FAM135A: variants seen among roughly 807,000 people sequenced by gnomAD.
FAM135A encodes the protein family with sequence similarity 135 member A, also known as protein FAM135A.
Under a neutral mutation model 146.8 loss-of-function variants are expected in FAM135A, and 79 were observed. The observed-to-expected ratio is 0.54, with a 90% CI of 0.45 to 0.65. The LOEUF (loss-of-function observed/expected upper bound fraction) is 0.65. FAM135A is among the 30% of genes least tolerant of loss of function. FAM135A has a pLI of 0.00. For synonymous variants in FAM135A, 562 were observed against 603.6 expected, an observed-to-expected ratio of 0.93 and a Z score of 1.01; for missense variants, 1,623 against 1,758.2, an observed-to-expected ratio of 0.92 and a Z score of 1.38.
chr6:70,485,127 A>G (rs1582462846), intron 10 of FAM135A, among the ~76,000 whole-genome samples: 2 of 152,342 alleles, frequency 1.3e-5, no homozygotes, highest in East Asian at 1.9e-4. Flanking sequence ...AAATAAAATT[A>G]CTAGTACCTT....
chr6:70,452,890 T>C (rs1777439670), intron 5 of FAM135A, among the ~76,000 whole-genome samples: 1 of 152,204 alleles, frequency 6.6e-6, no homozygotes, highest in African/African-American at 2.4e-5. Context: ...TAATTTGACT[T>C]ATGGTTATAA....
In FAM135A at chr6:70,522,496, C is replaced by A; in HGVS notation, c.1030-17C>A. 1 of 1,611,644 alleles carries A rather than the reference C, an allele frequency of 6.2e-7. No homozygotes were observed. Among genetic ancestry groups the A allele is most frequent in the Non-Finnish European group, 8.5e-7 (1 of 1,178,284 alleles). Reference sequence around the variant, plus strand: ...AAATACGTCATGTTATTAATACTCTCCTTTGGAATTTTTTAGGTACGCAGA... The same window carrying A: ...AAATACGTCATGTTATTAATACTCTACTTTGGAATTTTTTAGGTACGCAGA... On this transcript the variant is annotated splice_polypyrimidine_tract_variant and intron_variant, in intron 12 of 21. Coordinates refer to ENST00000418814, the MANE Select transcript of FAM135A (RefSeq NM_001162529.3).
chr6:70,560,674 A>G lies in FAM135A; in HGVS notation c.*753A>G, dbSNP rs145250091. The stretch of plus-strand genomic sequence containing the variant: ...CCTTGATTTGGTTGGAATTTTTGCT[A>G]AATTGGTAATGTTGCTTGAACTTTA... On this transcript the variant is annotated 3_prime_UTR_variant, in exon 22 of 22. Coordinates refer to ENST00000418814, the MANE Select transcript of FAM135A (RefSeq NM_001162529.3). 942 of 152,654 alleles carry G rather than the reference A, an allele frequency of 6.2e-3. 2 individuals are homozygous for G. Among genetic ancestry groups the G allele is most frequent in the Middle Eastern group, 0.024 (7 of 294 alleles). The allele number at this position is 152,654 out of a possible 1,614,324, so 9.5% of individuals were successfully genotyped here.
intron 7 of FAM135A, among the ~76,000 whole-genome samples, chr6:70,476,650 AG>A (rs1340739514): frequency 5.9e-5 from 9 of 152,088 alleles, no homozygotes; most frequent in African/African-American, 1.9e-4. Context: ...TCACATTTTT[AG>A]TGTGTATAAA....
In FAM135A at chr6:70,482,044, A is replaced by G. The variant is rs1427707784; in HGVS notation, c.713A>G (p.Tyr238Cys). ...GCAGACTCCTTCCTACATCATGCGT[A>G]TCGTTTTCATTATACACTTTGTGCC... is the stretch of plus-strand genomic sequence containing the variant. ...IIADSFLHHA[Y>C]RFHYTLCATL... The change falls in exon 10 of 22, where the codon TAT becomes TGT. Residue 238 changes from tyrosine to cysteine, a missense_variant. Around this residue, in one of 7 missense-constraint regions of FAM135A, gnomAD observed 206 missense variants for 194.7 expected, o/e 1.06. Transcript: ENST00000418814. 1.1e-5 allele frequency: 17 copies of G among 1,613,596 alleles called. No homozygotes were observed. Among genetic ancestry groups the G allele is most frequent in the Non-Finnish European group, 1.4e-5 (17 of 1,179,822 alleles).
chr6:70,552,022 TA>T (rs1489366761), intron 20 of FAM135A, among the ~76,000 whole-genome samples: 3 of 152,178 alleles, frequency 2.0e-5, no homozygotes, highest in Non-Finnish European at 4.4e-5. Flanking sequence ...CTTCAATTTG[TA>T]AAAAACATAA....
chr6:70,456,803 T>A (rs1778454791), intron 5 of FAM135A, among the ~76,000 whole-genome samples: 1 of 152,216 alleles, frequency 6.6e-6, no homozygotes, highest in African/African-American at 2.4e-5. Flanking sequence ...AGGAAGGGCA[T>A]CAAAAATAAA....
At position 70,528,562 on chromosome 6, in the gene FAM135A, TTAAATTA is replaced by T. The variant is rs1795180465; in HGVS notation, c.3775+111_3775+117del. On this transcript the variant is annotated intron_variant, in intron 16 of 21. Coordinates refer to ENST00000418814, the MANE Select transcript of FAM135A (RefSeq NM_001162529.3). The stretch of plus-strand genomic sequence containing the variant: ...AACTAAAAAAAGATTTTTTAATTGC[TTAAATTA>T]ATTGAATCTTAAATGCATTCTGAAA... 5 of 925,250 alleles carry T rather than the reference TTAAATTA, an allele frequency of 5.4e-6. No homozygotes were observed. In the Admixed American group the frequency reaches 1.5e-4, roughly 28 times the overall value. 57.3% of individuals were successfully genotyped at this position (925,250 alleles called of 1,614,324 possible).
At position 70,491,056 on chromosome 6, in the gene FAM135A, A is replaced by G. The variant is rs765197297; in HGVS notation, c.846A>G (p.Arg282=). The G allele has an allele frequency of 4.0e-5, 64 of 1,602,154 alleles. No individual in the cohort carries two copies. ...LELEEMDVEA[R]LTELCEEVKK... ...CAGAGGAAATGGATGTAGAAGCTCG[A>G]CTTACTGAACTATGTGAAGAAGTTA... The change falls in exon 11 of 22, where the codon CGA becomes CGG. Residue 282 remains arginine (R), a synonymous_variant. Coordinates refer to ENST00000418814, the MANE Select transcript of FAM135A (RefSeq NM_001162529.3).
chr6:70,511,830 C>T (rs529712271), intron 12 of FAM135A, among the ~76,000 whole-genome samples: 3 of 151,976 alleles, frequency 2.0e-5, no homozygotes, highest in Admixed American at 6.6e-5. Flanking sequence ...GTTACTCCTA[C>T]GCTACAAACC....
chr6:70,545,185 A>G (rs1282864894), intron 20 of FAM135A, among the ~76,000 whole-genome samples: 1 of 152,174 alleles, frequency 6.6e-6, no homozygotes, highest in Non-Finnish European at 1.5e-5. Flanking sequence ...CTAAATGCTG[A>G]TATTACTAGC....
intron 8 of FAM135A, among the ~76,000 whole-genome samples, chr6:70,477,707 G>T (rs1053022194): frequency 2.2e-4 from 33 of 152,152 alleles, no homozygotes; most frequent in Admixed American, 8.5e-4. Context: ...CTCCCACCAG[G>T]CCCCATTCCA....
intron 5 of FAM135A, among the ~76,000 whole-genome samples, chr6:70,469,456 A>G (rs1219045085): frequency 6.6e-6 from 1 of 152,242 alleles, no homozygotes; most frequent in Non-Finnish European, 1.5e-5. Context: ...GATTTTGTAT[A>G]CAACTTCTTA....
chr6:70,549,140 T>C (rs995430313), intron 20 of FAM135A, among the ~76,000 whole-genome samples: 1 of 152,138 alleles, frequency 6.6e-6, no homozygotes, highest in Non-Finnish European at 1.5e-5. Context: ...ATTCCACTTT[T>C]GGAATTTTTC....
In FAM135A at chr6:70,524,953, C is replaced by T. The variant is rs369028670; in HGVS notation, c.1869C>T (p.Asp623=). Residue 623 remains aspartate (D), a synonymous_variant, in exon 15 of 22, where the codon GAC becomes GAT. Coordinates refer to ENST00000418814, the MANE Select transcript of FAM135A (RefSeq NM_001162529.3). ...SISGKLDISQ[D]DSEITQMEHN... ...CAGGTAAACTTGATATCTCCCAGGA[C>T]GATAGTGAAATTACACAAATGGAAC... 101 of 1,606,278 alleles carry T rather than the reference C, an allele frequency of 6.3e-5. No homozygotes were observed. Among genetic ancestry groups the T allele is most frequent in the Non-Finnish European group, 8.1e-5 (95 of 1,177,266 alleles).
chr6:70,514,343 C>G (rs111921356), intron 12 of FAM135A, among the ~76,000 whole-genome samples: 2 of 152,058 alleles, frequency 1.3e-5, no homozygotes, highest in Non-Finnish European at 2.9e-5. Context: ...GTTCTCTTCA[C>G]GTATAATACT....
intron 16 of FAM135A, among the ~76,000 whole-genome samples, chr6:70,529,903 A>C (rs371207442): frequency 1.6e-4 from 25 of 152,220 alleles, no homozygotes; most frequent in African/African-American, 6.0e-4. Flanking sequence ...TCTACTAAAA[A>C]TACAAAAAAA....
chr6:70,523,439 T>C (rs11962256), intron 13 of FAM135A, among the ~76,000 whole-genome samples: 2,533 of 152,266 alleles, frequency 0.017, 63 homozygotes, highest in African/African-American at 0.057. Flanking sequence ...TACTATTCTT[T>C]GATTTGTTTG....
intron 8 of FAM135A, among the ~76,000 whole-genome samples, chr6:70,479,916 A>G (rs1783392803): frequency 6.6e-6 from 1 of 152,102 alleles, no homozygotes; most frequent in South Asian, 2.1e-4. Flanking sequence ...ACTCTGAAAA[A>G]CACATTGTAT....
Sources: gnomAD v4.1 joint callset for allele counts (sites outside exome capture counted in the v4.1 genomes callset) on GRCh38, gnomAD v4.1.1 for gene constraint, gnomAD v4.1.1 regional missense constraint, MANE v1.5 for transcripts, NCBI Gene and HGNC (gene_info 2026-07-23, HGNC 2026-07-21) for gene names.